The following TTC28 variants were observed in gnomAD, a reference collection of about 807,000 sequenced individuals.
The protein encoded by TTC28 is tetratricopeptide repeat domain 28, also known as tetratricopeptide repeat protein 28.
A neutral mutation model predicts 198.0 loss-of-function variants in TTC28; 61 were observed. The observed-to-expected ratio is 0.31, with a 90% confidence interval of 0.25 to 0.38. The LOEUF (loss-of-function observed/expected upper bound fraction) is 0.38. TTC28 is among the 10% of genes least tolerant of loss of function. The probability of loss-of-function intolerance (pLI) is 1.00; values close to 1 mark genes in which losing one functional copy is unlikely to be tolerated. For synonymous variants in TTC28, 1,171 were observed against 1,297.8 expected (o/e 0.90, Z 2.10); for missense variants, 2,678 against 3,164.0 (o/e 0.85, Z 3.69).
rs944228145 is a variant in TTC28, at chr22:27,982,323, G to T, written c.7344C>A (p.Ala2448=). The change falls in exon 23 of 23, where the codon GCC becomes GCA. Residue 2448 remains alanine (A), a synonymous_variant. Coordinates refer to ENST00000397906, the MANE Select transcript of TTC28 (RefSeq NM_001145418.2). This position sits in a 1 kb window ranked among gnomAD's most constrained non-coding sequence, Gnocchi z 5.2. ...TTSLGSLPLP[A]GPPATAPARP... Reference sequence around the variant, plus strand: ...GCGCGGGGGCTGTGGCGGGAGGGCCGGCGGGCAGCGGCAGTGAGCCCAGCG... The same window carrying T: ...GCGCGGGGGCTGTGGCGGGAGGGCCTGCGGGCAGCGGCAGTGAGCCCAGCG... 6 of 1,528,416 alleles carry T rather than the reference G, an allele frequency of 3.9e-6. No homozygotes were observed. Among genetic ancestry groups the T allele is most frequent in the Middle Eastern group, 1.7e-4 (1 of 5,840 alleles). The allele number at this position is 1,528,416 out of a possible 1,614,324, so 94.7% of individuals were successfully genotyped here. A position where few individuals can be genotyped will look rare whatever the true frequency, so the allele number is the denominator to read the frequency against.
rs374514204 is a variant in TTC28 at position 28,094,114 on chromosome 22, G to A, written c.3898C>T (p.Arg1300Trp). ...SALEQHIASV[R>W]EALGVESHYS... ...TGAGACTCCACCCCCAGGGCCTCCC[G>A]GACACTGGCAATGTGCTGCTCCAGG... Residue 1300 changes from arginine (R) to tryptophan (W), a missense_variant, in exon 12 of 23, where the codon CGG becomes TGG. Coordinates refer to ENST00000397906, the MANE Select transcript of TTC28 (RefSeq NM_001145418.2). 180 of 1,550,968 alleles carry A rather than the reference G, an allele frequency of 1.2e-4. No homozygotes were observed. The highest frequency in any genetic ancestry group is 1.4e-4 in the Non-Finnish European group (162 of 1,146,730).
intron 2 of TTC28, among the ~76,000 whole-genome samples, chr22:28,615,352 G>C (rs923908158): frequency 2.0e-5 from 3 of 152,150 alleles, no homozygotes; most frequent in Non-Finnish European, 4.4e-5. Flanking sequence ...ACTGTTGGTG[G>C]GCTGTAAACT....
intron 2 of TTC28, among the ~76,000 whole-genome samples, chr22:28,354,656 G>A (rs1261918304): frequency 2.0e-5 from 3 of 151,940 alleles, no homozygotes; most frequent in Non-Finnish European, 4.4e-5. Context: ...ACACATAAAT[G>A]GTTAAAATGG....
At chr22:28,528,362 T>C (rs549500166) in intron 2 of TTC28, among the ~76,000 whole-genome samples, 3 of 152,236 alleles carry the variant, frequency 2.0e-5, no homozygotes, top group African/African-American at 7.2e-5. Context: ...AGTGGTTCCA[T>C]ATTACTTCTC....
chr22:27,982,700 C>T lies in TTC28; in HGVS notation c.6967G>A (p.Ala2323Thr). Residue 2323 changes from alanine (A) to threonine (T), a missense_variant, in exon 23 of 23, where the codon GCT becomes ACT. Physicochemically the swap from Ala to Thr is moderately conservative, Grantham distance 58. Around this residue, in one of 8 missense-constraint regions of TTC28, gnomAD observed 622 missense variants for 656.0 expected, o/e 0.95. Transcript: ENST00000397906. The surrounding 1 kb of genome is among the most constrained non-coding windows in gnomAD (Gnocchi z 5.2). The part of the protein sequence containing the change: ...QSPAGSAPSP[A>T]LSYSSAGSAR... Reference sequence around the variant, plus strand: ...GATCCAGCTGAGGAGTAGGAGAGAGCTGGGGAGGGTGCACTGCCAGCAGGA... The same window carrying T: ...GATCCAGCTGAGGAGTAGGAGAGAGTTGGGGAGGGTGCACTGCCAGCAGGA... 1 of 1,551,538 alleles carries T rather than the reference C, an allele frequency of 6.4e-7. No homozygotes were observed. The highest frequency in any genetic ancestry group is 1.2e-5 in the South Asian group (1 of 84,042).
intron 2 of TTC28, among the ~76,000 whole-genome samples, chr22:28,522,225 C>T (rs191403264): frequency 4.9e-4 from 75 of 152,212 alleles, no homozygotes; most frequent in Non-Finnish European, 9.0e-4. Flanking sequence ...CGGTGGCTCA[C>T]GCCTGTAATC....
chr22:27,983,536 T>G lies in TTC28; in HGVS notation c.6131A>C (p.Gln2044Pro), dbSNP rs1937096608. ...STLPRSQLPP[Q>P]TRPAGNKDEE... is the part of the protein sequence containing the mutation. ...ATCTTTGTTGCCTGCAGGGCGGGTC[T>G]GGGGAGGCAGCTGGCTCCTAGGCAG... The change falls in exon 23 of 23, where the codon CAG (glutamine) becomes CCG (proline). Residue 2044 changes from glutamine (Q) to proline (P), a missense_variant. Around this residue, in one of 8 missense-constraint regions of TTC28, gnomAD observed 622 missense variants for 656.0 expected, o/e 0.95. Coordinates refer to ENST00000397906, the MANE Select transcript of TTC28 (RefSeq NM_001145418.2). 8 of 1,551,340 alleles carry G rather than the reference T, an allele frequency of 5.2e-6. No homozygotes were observed. The highest frequency in any genetic ancestry group is 7.0e-6 in the Non-Finnish European group (8 of 1,146,902).
At chr22:28,136,017 A>C (rs929287150) in intron 6 of TTC28, among the ~76,000 whole-genome samples, 2 of 152,378 alleles carry the variant, frequency 1.3e-5, no homozygotes, top group South Asian at 2.1e-4. Flanking sequence ...TTGCAGAATA[A>C]TACTATTGTA....
intron 5 of TTC28, among the ~76,000 whole-genome samples, chr22:28,197,748 C>T (rs987632928): frequency 6.6e-6 from 1 of 151,984 alleles, no homozygotes; most frequent in African/African-American, 2.4e-5. Context: ...GGTGTGCTGG[C>T]TCACATGTGT....
intron 12 of TTC28, among the ~76,000 whole-genome samples, chr22:28,092,420 G>A (rs1941841237): frequency 1.3e-5 from 2 of 152,198 alleles, no homozygotes; most frequent in African/African-American, 4.8e-5. Flanking sequence ...GGGACTAAGA[G>A]AACTTGGCGA....
intron 5 of TTC28, among the ~76,000 whole-genome samples, chr22:28,201,996 C>G (rs1925997442): frequency 6.6e-6 from 1 of 152,108 alleles, no homozygotes; most frequent in Admixed American, 6.5e-5. Context: ...ATATGCTTCA[C>G]TCTTTACAGG....
chr22:28,567,438 C>T (rs1407367095), intron 2 of TTC28, among the ~76,000 whole-genome samples: 1 of 136,114 alleles, frequency 7.3e-6, no homozygotes, highest in Admixed American at 7.5e-5. Flanking sequence ...TATATACACA[C>T]ATATACATAC....
At chr22:28,272,113 T>C (rs1172741306) in intron 5 of TTC28, among the ~76,000 whole-genome samples, 2 of 152,310 alleles carry the variant, frequency 1.3e-5, no homozygotes, top group South Asian at 4.1e-4. Context: ...CTGATACATA[T>C]AGAGTCTAAC....
At chr22:28,395,508 C>T (rs1003183394) in intron 2 of TTC28, among the ~76,000 whole-genome samples, 6 of 151,508 alleles carry the variant, frequency 4.0e-5, no homozygotes, top group East Asian at 1.9e-4. Flanking sequence ...GGTGGGCACC[C>T]GTAGTCCCAG....
intron 2 of TTC28, among the ~76,000 whole-genome samples, chr22:28,414,519 G>T (rs934667904): frequency 1.3e-5 from 2 of 152,138 alleles, no homozygotes; most frequent in African/African-American, 4.8e-5. Flanking sequence ...AAAGCATTCT[G>T]ACTGGAGACA....
chr22:28,670,706 T>TAC (rs779175985), intron 1 of TTC28, among the ~76,000 whole-genome samples: 2 of 143,432 alleles, frequency 1.4e-5, no homozygotes, highest in African/African-American at 5.0e-5. Flanking sequence ...CTTTAGGGCA[T>TAC]ATATATATAT....
chr22:28,099,479 TTCC>T (rs1942077500), intron 9 of TTC28, among the ~76,000 whole-genome samples: 1 of 152,186 alleles, frequency 6.6e-6, no homozygotes, highest in Non-Finnish European at 1.5e-5. Context: ...CTGTCTACGC[TTCC>T]TCGAGTGTTT....
At chr22:28,154,598 C>A (rs879412276) in intron 6 of TTC28, among the ~76,000 whole-genome samples, 1 of 151,896 alleles carries the variant, frequency 6.6e-6, no homozygotes, top group African/African-American at 2.4e-5. Context: ...CCTTGTGATC[C>A]GCCTGCCTCG....
intron 5 of TTC28, among the ~76,000 whole-genome samples, chr22:28,255,274 G>A (rs748139877): frequency 6.6e-6 from 1 of 152,108 alleles, no homozygotes; most frequent in Non-Finnish European, 1.5e-5. Flanking sequence ...ATAACTGTGG[G>A]TATCATTAGT....
Sources: gnomAD v4.1 joint callset for allele counts (sites outside exome capture counted in the v4.1 genomes callset) on GRCh38, gnomAD v4.1.1 for gene constraint, gnomAD v4.1.1 regional missense constraint, Gnocchi (gnomAD v3.1) non-coding constraint, MANE v1.5 for transcripts, NCBI Gene and HGNC (gene_info 2026-07-23, HGNC 2026-07-21) for gene names.